The following RASEF variants were observed in gnomAD, a reference collection of about 807,000 sequenced individuals.
RASEF encodes ras and EF-hand domain-containing protein.
RASEF carries 68 observed loss-of-function variants against 90.1 expected under a neutral mutation model. The observed-to-expected ratio is 0.75, with a 90% CI of 0.62 to 0.92. The LOEUF (loss-of-function observed/expected upper bound fraction) is 0.92. Among genes scored for constraint, RASEF ranks in the 40% least tolerant of loss-of-function variants. The pLI is 0.00. For missense variants in RASEF, 949 were observed against 937.2 expected, an observed-to-expected ratio of 1.01 and a Z score of -0.16; for synonymous variants, 331 against 345.2, an observed-to-expected ratio of 0.96 and a Z score of 0.46.
intron 3 of RASEF, among the ~76,000 whole-genome samples, chr9:83,016,121 C>G (rs1337002915): frequency 7.9e-5 from 12 of 152,154 alleles, no homozygotes; most frequent in Admixed American, 7.9e-4. Flanking sequence ...GATCCCACAA[C>G]CTACATACAC....
rs957772855 is a variant in RASEF at position 83,055,446 on chromosome 9, G to A, written c.431+6991C>T. ...CACACTGGCCTGCGCCCACTGTCTC[G>A]CACTCCGTAGTGAGATGAACCCGGT... On this transcript the variant is annotated intron_variant, in intron 1 of 16. Coordinates refer to ENST00000376447, the MANE Select transcript of RASEF (RefSeq NM_152573.4). The A allele has an allele frequency of 8.8e-5, 56 of 633,566 alleles. 1 individual carries two copies. Among genetic ancestry groups the A allele is most frequent in the African/African-American group, 2.0e-4 (11 of 54,266 alleles). The allele number at this position is 633,566 out of a possible 1,614,324, so 39.2% of individuals were successfully genotyped here. A position where few individuals can be genotyped will look rare whatever the true frequency, so the allele number is the denominator to read the frequency against.
the RASEF span, among the ~76,000 whole-genome samples, chr9:83,206,688 G>A: frequency 1.3e-5 from 2 of 152,304 alleles, no homozygotes; most frequent in East Asian, 1.9e-4. Context: ...CAGCGAGTAC[G>A]TGATGAAGCC....
At chr9:83,069,184 A>G in the RASEF span, among the ~76,000 whole-genome samples, 1 of 152,206 alleles carries the variant, frequency 6.6e-6, no homozygotes, top group African/African-American at 2.4e-5. Flanking sequence ...TAATGAGGTA[A>G]AATTTACATA....
At chr9:82,989,663 A>G (rs568884577) in intron 16 of RASEF, among the ~76,000 whole-genome samples, 1 of 152,370 alleles carries the variant, frequency 6.6e-6, no homozygotes, top group African/African-American at 2.4e-5. Context: ...TGACATGCCT[A>G]AAGTTATATT....
the RASEF span, among the ~76,000 whole-genome samples, chr9:83,192,214 C>T: frequency 6.6e-6 from 1 of 152,120 alleles, no homozygotes; most frequent in African/African-American, 2.4e-5. Flanking sequence ...GGCATATACC[C>T]AAAGGGATAT....
Position 83,022,344 on chromosome 9 carries a change from G to A in RASEF, c.661C>T (p.Arg221Trp), listed in dbSNP as rs764188878. ...CCAACCCAGAAACTCACGTCTTTCC[G>A]TGTCTTATGTTCTGCAGCCTGAATC... ...QRIQAAEHKTRKDEKRKAEEA... is the reference protein window; with the variant it reads ...QRIQAAEHKTWKDEKRKAEEA... Residue 221 changes from arginine to tryptophan, a missense_variant, in exon 3 of 17, where the codon CGG becomes TGG. By Grantham distance (101) the Arg-to-Trp change is moderately radical (BLOSUM62 -3). Around this residue, in one of 3 missense-constraint regions of RASEF, gnomAD observed 656 missense variants for 592.2 expected, o/e 1.11. Coordinates refer to ENST00000376447, the MANE Select transcript of RASEF (RefSeq NM_152573.4). 31 of 1,613,002 alleles carry A rather than the reference G, an allele frequency of 1.9e-5. No individual in the cohort carries two copies. The East Asian group carries it at 2.5e-4, about 13-fold the overall frequency.
chr9:83,021,298 A>T (rs1829440248), intron 3 of RASEF, among the ~76,000 whole-genome samples: 1 of 152,180 alleles, frequency 6.6e-6, no homozygotes, highest in African/African-American at 2.4e-5. Context: ...ACCTAGATAC[A>T]ATCTGGGCCA....
intron 7 of RASEF, among the ~76,000 whole-genome samples, chr9:83,006,617 G>A (rs1446505616): frequency 6.6e-6 from 1 of 152,102 alleles, no homozygotes; most frequent in Non-Finnish European, 1.5e-5. Flanking sequence ...AGGTTTTGTG[G>A]GGAAGACCTT....
At chr9:83,159,819 G>A in the RASEF span, among the ~76,000 whole-genome samples, 41 of 152,186 alleles carry the variant, frequency 2.7e-4, no homozygotes, top group African/African-American at 8.2e-4. Flanking sequence ...TAACTCCCTC[G>A]TTCCCATGTA....
the RASEF span, among the ~76,000 whole-genome samples, chr9:83,125,342 C>G: frequency 2.7e-3 from 416 of 152,242 alleles, 1 homozygote; most frequent in African/African-American, 9.4e-3. Flanking sequence ...AGATCACAGC[C>G]CTGTCAGCAC....
At chr9:83,047,558 G>C (rs1329948146) in intron 1 of RASEF, among the ~76,000 whole-genome samples, 5 of 152,216 alleles carry the variant, frequency 3.3e-5, no homozygotes, top group Admixed American at 6.5e-5. Flanking sequence ...GAAAAATATC[G>C]GAGTGATAGG....
upstream of RASEF, among the ~76,000 whole-genome samples, chr9:83,067,523 C>G (rs1409090995): frequency 6.6e-6 from 1 of 152,148 alleles, no homozygotes; most frequent in African/African-American, 2.4e-5. Context: ...TAAAATGAAG[C>G]ATTAGAGACC....
intron 4 of RASEF, among the ~76,000 whole-genome samples, chr9:83,013,462 C>T (rs1299252296): frequency 3.3e-5 from 5 of 152,198 alleles, no homozygotes; most frequent in African/African-American, 9.6e-5. Context: ...GATTTAAACA[C>T]GCATTTTGAC....
chr9:83,215,719 A>G, the RASEF span, among the ~76,000 whole-genome samples: 1 of 152,208 alleles, frequency 6.6e-6, no homozygotes, highest in Non-Finnish European at 1.5e-5. Flanking sequence ...AAAATGTGGA[A>G]GCAAATTTGG....
chr9:83,110,717 C>A, the RASEF span, among the ~76,000 whole-genome samples: 1 of 152,312 alleles, frequency 6.6e-6, no homozygotes, highest in African/African-American at 2.4e-5. Flanking sequence ...CTTCCCTGAC[C>A]TGATTACTCA....
At chr9:83,144,383 G>GA in the RASEF span, among the ~76,000 whole-genome samples, 166 of 20,274 alleles carry the variant, frequency 8.2e-3, 12 homozygotes, top group African/African-American at 0.034. Context: ...AAGAAAGAAA[G>GA]AAAGAAAGGA....
At chr9:83,216,393 T>C in the RASEF span, among the ~76,000 whole-genome samples, 1 of 152,122 alleles carries the variant, frequency 6.6e-6, no homozygotes, top group Non-Finnish European at 1.5e-5. Flanking sequence ...GTGCCCTGTG[T>C]CCCAGCTGCT....
At chr9:83,031,312 T>A (rs761221036) in intron 1 of RASEF, among the ~76,000 whole-genome samples, 7 of 152,222 alleles carry the variant, frequency 4.6e-5, no homozygotes, top group Non-Finnish European at 1.0e-4. Context: ...GTCTTAACAA[T>A]CACTACCCAC....
intron 3 of RASEF, among the ~76,000 whole-genome samples, chr9:83,019,830 TG>T: frequency 6.6e-6 from 1 of 152,322 alleles, no homozygotes; most frequent in African/African-American, 2.4e-5. Context: ...TAGCATATAT[TG>T]CATGATTCCA....
Sources: gnomAD v4.1 joint callset for allele counts (sites outside exome capture counted in the v4.1 genomes callset) on GRCh38, gnomAD v4.1.1 for gene constraint, gnomAD v4.1.1 regional missense constraint, MANE v1.5 for transcripts, NCBI Gene and HGNC (gene_info 2026-07-23, HGNC 2026-07-21) for gene names.